TTC31: variants seen among roughly 807,000 people sequenced by gnomAD.
TTC31 encodes the protein tetratricopeptide repeat domain 31, also known as tetratricopeptide repeat protein 31.
A neutral mutation model predicts 60.4 loss-of-function variants in TTC31; 59 were observed. The observed-to-expected ratio is 0.98, with a 90% CI of 0.79 to 1.21. The LOEUF (loss-of-function observed/expected upper bound fraction) is 1.21, where lower values mean the gene tolerates loss of function less well. Among genes scored for constraint, TTC31 ranks in the 50% most tolerant of loss-of-function variants. TTC31 has a pLI of 0.00. For missense variants in TTC31, 672 were observed against 646.9 expected (o/e 1.04, Z -0.42); for synonymous variants, 225 against 249.6 (o/e 0.90, Z 0.93).
intron 5 of TTC31, 87 bp downstream of exon 5, chr2:74,490,826 T>G (rs1215213209): frequency 7.3e-7 from 1 of 1,375,812 alleles, no homozygotes; most frequent in Non-Finnish European, 1.0e-6. Context: ...AGGAGAGAGC[T>G]CAAGATGGCC....
Position 74,493,158 on chromosome 2 carries a change from C to G in TTC31, c.1500C>G (p.Asp500Glu), listed in dbSNP as rs764202407. The change falls in exon 13 of 13, where the codon GAC (aspartate) becomes GAG (glutamate). Residue 500 changes from aspartate (D) to glutamate (E), a missense_variant. Asp to Glu is a conservative substitution (Grantham distance 45). Coordinates refer to ENST00000233623, the MANE Select transcript of TTC31 (RefSeq NM_022492.6). ...GGCCCCATCCTCTCAAGCCCCAGGACCCTTCAAAGGGCTGGGACATCCTGG... is the reference window on the plus strand; with the variant it reads ...GGCCCCATCCTCTCAAGCCCCAGGAGCCTTCAAAGGGCTGGGACATCCTGG... ...SRRPHPLKPQ[D>E]PSKGWDILGL... 6.2e-7 allele frequency: 1 copy of G among 1,614,190 alleles called. No individual in the cohort carries two copies. Among genetic ancestry groups the G allele is most frequent in the Non-Finnish European group, 8.5e-7 (1 of 1,180,024 alleles).
chr2:74,492,978 A>G lies in TTC31; in HGVS notation c.1320A>G (p.Pro440=). 1 of 1,613,836 alleles carries G rather than the reference A, an allele frequency of 6.2e-7. No homozygotes were observed. Among genetic ancestry groups the G allele is most frequent in the South Asian group, 1.1e-5 (1 of 91,064 alleles). Residue 440 remains proline, a synonymous_variant, in exon 13 of 13, where the codon CCA becomes CCG. Coordinates refer to ENST00000233623, the MANE Select transcript of TTC31 (RefSeq NM_022492.6). ...APPLSPGALQ[P]LPHAELAPSG... ...CTCTGTCACCTGGGGCCCTCCAGCCACTTCCCCATGCTGAGCTGGCACCCT... is the reference window on the plus strand; with the variant it reads ...CTCTGTCACCTGGGGCCCTCCAGCCGCTTCCCCATGCTGAGCTGGCACCCT...
In TTC31 at chr2:74,489,996, GCCTCC is replaced by G. The variant is rs556220095; in HGVS notation, c.130-7_130-3del. ...TCTCCAGGAACTGCCCCCAACACCA[GCCTCC>G]CCTCCCCTCCCCTCCCCTCCCAGGA... On this transcript the variant is annotated intron_variant, in intron 2 of 12. Transcript: ENST00000233623. 5.0e-4 allele frequency: 722 copies of G among 1,455,142 alleles called. 7 individuals carry two copies. The African/African-American group carries it at 5.4e-3, about 11-fold the overall frequency. 90.1% of individuals were successfully genotyped at this position (1,455,142 alleles called of 1,614,324 possible).
chr2:74,487,885 G>A (rs1673321923), intron 2 of TTC31, among the ~76,000 whole-genome samples: 1 of 152,102 alleles, frequency 6.6e-6, no homozygotes, highest in Non-Finnish European at 1.5e-5. Context: ...TCGCCATGTT[G>A]GCCAGGCTGG....
In TTC31 at chr2:74,492,323, T is replaced by G. The variant is rs200754336; in HGVS notation, c.1039T>G (p.Phe347Val). 6.3e-7 allele frequency: 1 copy of G among 1,589,620 alleles called. No homozygotes were observed. Among genetic ancestry groups the G allele is most frequent in the African/African-American group, 1.3e-5 (1 of 74,436 alleles). ...QDHRLFGNRSFCHERLGQPAW... is the reference protein window; with the variant it reads ...QDHRLFGNRSVCHERLGQPAW... Reference sequence around the variant, plus strand: ...TATCAGGTTATTTGGAAATCGTTCCTTCTGCCATGAGCGGTTGGGTCAGCC... The same window carrying G: ...TATCAGGTTATTTGGAAATCGTTCCGTCTGCCATGAGCGGTTGGGTCAGCC... The change falls in exon 11 of 13, where the codon TTC (phenylalanine) becomes GTC (valine). Residue 347 changes from phenylalanine (F) to valine (V), a missense_variant. By Grantham distance (50) the Phe-to-Val change is conservative. Coordinates refer to ENST00000233623, the MANE Select transcript of TTC31 (RefSeq NM_022492.6).
chr2:74,490,159 G>A (rs1164236558), intron 3 of TTC31, 32 bp downstream of exon 3: 17 of 1,609,278 alleles, frequency 1.1e-5, no homozygotes, highest in Non-Finnish European at 1.3e-5. Context: ...CCCAGGGATC[G>A]AGGCTGGTAC....
intron 2 of TTC31, among the ~76,000 whole-genome samples, chr2:74,488,925 G>A (rs778952763): frequency 2.6e-5 from 4 of 152,134 alleles, no homozygotes; most frequent in Non-Finnish European, 4.4e-5. Context: ...GTATTGTGGC[G>A]TGTGCCTGTA....
intron 2 of TTC31, among the ~76,000 whole-genome samples, chr2:74,488,029 C>T (rs537544594): frequency 1.3e-5 from 2 of 152,288 alleles, no homozygotes; most frequent in Admixed American, 1.3e-4. Flanking sequence ...GGCTTCAGTG[C>T]AGTGGCATGA....
chr2:74,484,579 C>T (rs1036707432), intron 2 of TTC31, among the ~76,000 whole-genome samples: 3 of 152,044 alleles, frequency 2.0e-5, no homozygotes, highest in African/African-American at 7.2e-5. Flanking sequence ...CTGCCTCAGC[C>T]TCCTGAGTAG....
chr2:74,483,179 G>A (rs769800794), intron 1 of TTC31, 44 bp downstream of exon 1: 6 of 1,613,976 alleles, frequency 3.7e-6, no homozygotes, highest in Non-Finnish European at 3.4e-6. Context: ...GAGGGCAGAG[G>A]CAGCCCCTCT....
Position 74,491,204 on chromosome 2 carries a change from A to T in TTC31, c.603+20A>T. 6.2e-7 allele frequency: 1 copy of T among 1,614,202 alleles called. No homozygotes were observed. The highest frequency in any genetic ancestry group is 2.2e-5 in the East Asian group (1 of 44,888). ...CCCAAGGTGAGTATCTAGGGCAGGTACTAAGAGCACCAAGTGCCAGGAAGG... is the reference window on the plus strand; with the variant it reads ...CCCAAGGTGAGTATCTAGGGCAGGTTCTAAGAGCACCAAGTGCCAGGAAGG... On this transcript the variant is annotated intron_variant, in intron 6 of 12. Transcript: ENST00000233623.
In TTC31 at chr2:74,493,117, C is replaced by G; in HGVS notation, c.1459C>G (p.Gln487Glu). The G allele has an allele frequency of 1.2e-6, 2 of 1,614,162 alleles. No homozygotes were observed. The highest frequency in any genetic ancestry group is 1.7e-6 in the Non-Finnish European group (2 of 1,180,026). The change falls in exon 13 of 13, where the codon CAG (glutamine) becomes GAG (glutamate). Residue 487 changes from glutamine (Q) to glutamate (E), a missense_variant. Coordinates refer to ENST00000233623, the MANE Select transcript of TTC31 (RefSeq NM_022492.6). ...HRSHPNQPLSQTQSRRPHPLK... is the reference protein window; with the variant it reads ...HRSHPNQPLSETQSRRPHPLK... Reference sequence around the variant, plus strand: ...AAGCCACCCCAACCAGCCCCTCTCCCAGACTCAGAGTAGAAGGCCCCATCC... The same window carrying G: ...AAGCCACCCCAACCAGCCCCTCTCCGAGACTCAGAGTAGAAGGCCCCATCC...
chr2:74,485,068 C>A (rs1172648202), intron 2 of TTC31, among the ~76,000 whole-genome samples: 1 of 149,696 alleles, frequency 6.7e-6, no homozygotes, highest in African/African-American at 2.5e-5. Flanking sequence ...ACACTGTCGC[C>A]CAGGCTGGAG....
At position 74,491,566 on chromosome 2, in the gene TTC31, G is replaced by A. The variant is rs762966221; in HGVS notation, c.770G>A (p.Gly257Glu). The A allele has an allele frequency of 1.2e-6, 2 of 1,614,202 alleles. No individual in the cohort carries two copies. Among genetic ancestry groups the A allele is most frequent in the Non-Finnish European group, 8.5e-7 (1 of 1,180,038 alleles). ...DWPLSARREK[G>E]LNQEPQGRGL... ...CCCCTCAGTGCCCGCAGAGAGAAGGGACTGAACCAGGAGCCCCAAGGCAGG... is the reference window on the plus strand; with the variant it reads ...CCCCTCAGTGCCCGCAGAGAGAAGGAACTGAACCAGGAGCCCCAAGGCAGG... The change falls in exon 8 of 13, where the codon GGA (glycine) becomes GAA (glutamate). Residue 257 changes from glycine to glutamate, a missense_variant. Gly to Glu is a moderately conservative substitution (Grantham distance 98, BLOSUM62 -2). Coordinates refer to ENST00000233623, the MANE Select transcript of TTC31 (RefSeq NM_022492.6).
chr2:74,492,404 C>T lies in TTC31; in HGVS notation c.1120C>T (p.Arg374Trp), dbSNP rs201187434. 261 of 1,525,044 alleles carry T rather than the reference C, an allele frequency of 1.7e-4. No homozygotes were observed. The highest frequency in any genetic ancestry group is 2.0e-4 in the East Asian group (9 of 44,080). 94.5% of individuals were successfully genotyped at this position (1,525,044 alleles called of 1,614,324 possible). A position where few individuals can be genotyped will look rare whatever the true frequency, so the allele number is the denominator to read the frequency against. The part of the protein sequence containing the change: ...VALTLRPGWP[R>W]GLFRLGKALM... ...CCTTACCCTACGGCCTGGCTGGCCC[C>T]GGGGCCTCTTCCGCCTGGGCAAGGC... The change falls in exon 11 of 13, where the codon CGG becomes TGG. Residue 374 changes from arginine (R) to tryptophan (W), a missense_variant. Physicochemically the swap from Arg to Trp is moderately radical, Grantham distance 101 (BLOSUM62 -3). Coordinates refer to ENST00000233623, the MANE Select transcript of TTC31 (RefSeq NM_022492.6).
chr2:74,486,893 C>CAAAAAA (rs57671071), intron 2 of TTC31, among the ~76,000 whole-genome samples: 1 of 84,726 alleles, frequency 1.2e-5, no homozygotes, highest in Non-Finnish European at 2.5e-5. Flanking sequence ...AACTCCACCT[C>CAAAAAA]AAAAAAAAAA....
At position 74,483,615 on chromosome 2, in the gene TTC31, G is replaced by C. The variant is rs117680729; in HGVS notation, c.129+205G>C. The C allele has an allele frequency of 1.8e-4, 258 of 1,430,932 alleles. 3 individuals are homozygous for C. The East Asian group carries it at 6.8e-3, about 38-fold the overall frequency. 88.6% of individuals were successfully genotyped at this position (1,430,932 alleles called of 1,614,324 possible). ...GATGATCCTGATGTAACAGATGCTCGAAGTGGGTAGAATTGAGCAGACAAG... is the reference window on the plus strand; with the variant it reads ...GATGATCCTGATGTAACAGATGCTCCAAGTGGGTAGAATTGAGCAGACAAG... On this transcript the variant is annotated intron_variant, in intron 2 of 12. Transcript: ENST00000233623.
At position 74,490,605 on chromosome 2, in the gene TTC31, C is replaced by T. The variant is rs781750016; in HGVS notation, c.463-51C>T. On this transcript the variant is annotated intron_variant, in intron 4 of 12. Coordinates refer to ENST00000233623, the MANE Select transcript of TTC31 (RefSeq NM_022492.6). The stretch of plus-strand genomic sequence containing the variant: ...CTGCCTGCCCCCTTTCATGTTTGCT[C>T]TCCATTTCCCTGTTTCTCTCTTTTT... 16 of 1,593,600 alleles carry T rather than the reference C, an allele frequency of 1.0e-5. No homozygotes were observed. The South Asian group carries it at 1.4e-4, about 13-fold the overall frequency.
rs1277324349 is a variant in TTC31, at chr2:74,490,264, G to C, written c.253G>C (p.Asp85His). ...GACAGATTACCTCCTGGGCCACTTG[G>C]ATGATGAAGGGAAATCAACTGGACA... ...WHHDYLLGHLDDEGKSTGQSD... is the reference protein window; with the variant it reads ...WHHDYLLGHLHDEGKSTGQSD... Residue 85 changes from aspartate to histidine, a missense_variant, in exon 4 of 13, where the codon GAT becomes CAT. Physicochemically the swap from Asp to His is moderately conservative, Grantham distance 81. Transcript: ENST00000233623. 6.2e-7 allele frequency: 1 copy of C among 1,613,898 alleles called. No individual in the cohort carries two copies. Among genetic ancestry groups the C allele is most frequent in the Non-Finnish European group, 8.5e-7 (1 of 1,179,942 alleles).
Sources: allele counts gnomAD v4.1 joint callset (sites outside exome capture counted in the v4.1 genomes callset), GRCh38; gene constraint gnomAD v4.1.1; transcripts MANE v1.5; gene names NCBI Gene and HGNC (gene_info 2026-07-23, HGNC 2026-07-21).